Variants in GRIP1 observed in about 807,000 individuals in gnomAD.
The protein encoded by GRIP1 is glutamate receptor interacting protein 1.
GRIP1 carries 45 observed loss-of-function variants against 129.9 expected under a neutral mutation model. The observed-to-expected ratio is 0.35, with a 90% CI of 0.27 to 0.44. The LOEUF (loss-of-function observed/expected upper bound fraction) is 0.44. Ranked by LOEUF, GRIP1 falls within the 20% of genes least tolerant of loss-of-function variation. GRIP1 has a pLI of 1.00. For synonymous variants in GRIP1, 530 were observed against 520.8 expected (o/e 1.02, Z -0.24); for missense variants, 1,196 against 1,396.8 (o/e 0.86, Z 2.29).
chr12:66,608,461 T>C (rs915774993), intron 1 of GRIP1, among the ~76,000 whole-genome samples: 1 of 152,146 alleles, frequency 6.6e-6, no homozygotes, highest in Non-Finnish European at 1.5e-5. Context: ...GCCTACTGAG[T>C]AGCTGGGACT....
intron 1 of GRIP1, among the ~76,000 whole-genome samples, chr12:66,766,503 T>C (rs1366380756): frequency 5.9e-5 from 9 of 152,202 alleles, no homozygotes; most frequent in Non-Finnish European, 1.3e-4. Flanking sequence ...CACCAGACTG[T>C]GAGCTCTTGG....
At chr12:66,659,391 A>G (rs1221717780) in intron 1 of GRIP1, among the ~76,000 whole-genome samples, 2 of 152,254 alleles carry the variant, frequency 1.3e-5, no homozygotes, top group Non-Finnish European at 1.5e-5. Context: ...TTTATCTCAC[A>G]CGTAGGTGCT....
rs145289634 is a variant in GRIP1, at chr12:67,022,768, C to A, written c.58+46282G>T. ...GGCGCAGGTTTGTTACATGGGTATA[C>A]CACGTGGTACTGAGGTTTGAGGTAT... On this transcript the variant is annotated intron_variant, in intron 1 of 1. Transcript: ENST00000643019. 2.1e-3 allele frequency among the ~76,000 whole-genome samples: 313 copies of A among 152,140 alleles called. 2 individuals carry two copies. The highest frequency in any genetic ancestry group is 7.3e-3 in the African/African-American group (301 of 41,490).
At chr12:66,384,587 G>GT (rs1565686238) in intron 19 of GRIP1, among the ~76,000 whole-genome samples, 3 of 152,146 alleles carry the variant, frequency 2.0e-5, no homozygotes, top group Non-Finnish European at 4.4e-5. Flanking sequence ...TCAAAAGAGG[G>GT]TTTTTTTGGT....
intron 1 of GRIP1, among the ~76,000 whole-genome samples, chr12:66,745,655 AG>A (rs1156972904): frequency 6.6e-6 from 1 of 152,240 alleles, no homozygotes; most frequent in Non-Finnish European, 1.5e-5. Context: ...GTAAACTTAG[AG>A]GAATATCATA....
intron 1 of GRIP1, among the ~76,000 whole-genome samples, chr12:67,059,364 G>A (rs1332355929): frequency 6.6e-6 from 1 of 152,170 alleles, no homozygotes; most frequent in Non-Finnish European, 1.5e-5. Flanking sequence ...GATCAAATAG[G>A]AAAAGTCTCA....
At chr12:66,491,110 G>A (rs576102520) in intron 7 of GRIP1, among the ~76,000 whole-genome samples, 61 of 152,240 alleles carry the variant, frequency 4.0e-4, no homozygotes, top group Non-Finnish European at 6.5e-4. Flanking sequence ...CCATTACTGT[G>A]TACATGTATA....
chr12:66,737,456 G>C (rs1410695865), intron 1 of GRIP1, among the ~76,000 whole-genome samples: 1 of 152,068 alleles, frequency 6.6e-6, no homozygotes, highest in Non-Finnish European at 1.5e-5. Context: ...GATAATTTTT[G>C]TATTTTTAAT....
chr12:66,489,374 C>A (rs1005194494), intron 7 of GRIP1, among the ~76,000 whole-genome samples: 2 of 152,092 alleles, frequency 1.3e-5, no homozygotes, highest in Non-Finnish European at 2.9e-5. Flanking sequence ...AAGACAAAAA[C>A]CACATAATTA....
At chr12:66,782,687 A>T (rs1194823752) in intron 1 of GRIP1, among the ~76,000 whole-genome samples, 1 of 152,178 alleles carries the variant, frequency 6.6e-6, no homozygotes, top group East Asian at 1.9e-4. Flanking sequence ...TTAGTGACAA[A>T]GCTGGGATCA....
intron 1 of GRIP1, among the ~76,000 whole-genome samples, chr12:66,821,880 A>G (rs960560775): frequency 6.6e-6 from 1 of 152,130 alleles, no homozygotes; most frequent in African/African-American, 2.4e-5. Context: ...GTCATATCTA[A>G]TAGGGGTTTT....
At chr12:66,483,304 T>C (rs1284675664) in intron 7 of GRIP1, among the ~76,000 whole-genome samples, 6 of 152,226 alleles carry the variant, frequency 3.9e-5, no homozygotes, top group Admixed American at 2.0e-4. Flanking sequence ...CCAATACATT[T>C]TTTTAAATAT....
chr12:66,656,852 T>G (rs1298141056), intron 1 of GRIP1, among the ~76,000 whole-genome samples: 1 of 152,174 alleles, frequency 6.6e-6, no homozygotes, highest in African/African-American at 2.4e-5. Context: ...TACATGAACT[T>G]TAAAGAAAAT....
At chr12:66,456,082 A>G (rs545310456) in intron 10 of GRIP1, 105 bp downstream of exon 10, 3 of 636,214 alleles carry the variant, frequency 4.7e-6, no homozygotes, top group Non-Finnish European at 7.5e-6. Context: ...TGCTACTATA[A>G]GAAACAGAAA....
intron 1 of GRIP1, among the ~76,000 whole-genome samples, chr12:66,814,823 T>C (rs1390711133): frequency 1.8e-5 from 2 of 112,250 alleles, no homozygotes; most frequent in African/African-American, 3.3e-5. Context: ...CTTTCAATCA[T>C]GGCAAAAGGC....
chr12:66,710,697 A>C (rs2035684813), intron 1 of GRIP1, among the ~76,000 whole-genome samples: 1 of 151,984 alleles, frequency 6.6e-6, no homozygotes. Flanking sequence ...TTATGATTAC[A>C]AAGAATCTTA....
chr12:66,463,662 T>C (rs577782946), intron 8 of GRIP1, among the ~76,000 whole-genome samples: 1 of 152,302 alleles, frequency 6.6e-6, no homozygotes, highest in Non-Finnish European at 1.5e-5. Flanking sequence ...ATAAAAGCTC[T>C]TGATAATGGT....
chr12:66,664,714 T>C (rs1263613978), intron 1 of GRIP1, among the ~76,000 whole-genome samples: 1 of 152,190 alleles, frequency 6.6e-6, no homozygotes, highest in East Asian at 1.9e-4. Context: ...GGTATGAAAA[T>C]TTAATTGACA....
At chr12:66,735,102 A>C (rs1386471174) in intron 1 of GRIP1, among the ~76,000 whole-genome samples, 2 of 152,192 alleles carry the variant, frequency 1.3e-5, no homozygotes, top group African/African-American at 4.8e-5. Flanking sequence ...AGAAATGCTC[A>C]AATGCTTGTC....
Sources: gnomAD v4.1 joint callset for allele counts (sites outside exome capture counted in the v4.1 genomes callset) on GRCh38, gnomAD v4.1.1 for gene constraint, MANE v1.5 for transcripts, NCBI Gene and HGNC (gene_info 2026-07-23, HGNC 2026-07-21) for gene names.